The following WDR88 variants were observed in gnomAD, a reference collection of about 807,000 sequenced individuals.
The protein encoded by WDR88 is WD repeat domain 88.
WDR88 carries 40 observed loss-of-function variants against 46.8 expected under a neutral mutation model. The ratio of observed to expected loss-of-function variants is 0.86; its 90% CI spans 0.66 to 1.11. The LOEUF is 1.11. Ranked by LOEUF, WDR88 falls within the 50% of genes most tolerant of loss-of-function variation. The pLI, the probability that WDR88 is intolerant of heterozygous loss-of-function variation, is 0.00. For synonymous variants in WDR88, 235 were observed against 240.7 expected (o/e 0.98, Z 0.22); for missense variants, 562 against 602.4 (o/e 0.93, Z 0.70).
At chr19:33,166,140 G>A (rs1457850403) in intron 9 of WDR88, among the ~76,000 whole-genome samples, 5 of 151,740 alleles carry the variant, frequency 3.3e-5, no homozygotes, top group Non-Finnish European at 7.4e-5. Context: ...GTGTGTGGCT[G>A]TAGTCCCAGC....
chr19:33,134,960 C>A (rs1395991568), intron 1 of WDR88, among the ~76,000 whole-genome samples: 1 of 149,838 alleles, frequency 6.7e-6, no homozygotes, highest in East Asian at 2.0e-4. Flanking sequence ...GCCTTCCAGG[C>A]CACACCCCTG....
intron 1 of WDR88, among the ~76,000 whole-genome samples, chr19:33,134,840 A>ACCCC (rs766617576): frequency 1.6e-5 from 1 of 62,408 alleles, no homozygotes; most frequent in African/African-American, 5.5e-5. Context: ...CGTCCCCGAC[A>ACCCC]CCCCCCCCCC....
intron 7 of WDR88, among the ~76,000 whole-genome samples, chr19:33,159,593 C>A (rs896158472): frequency 6.6e-6 from 1 of 152,096 alleles, no homozygotes; most frequent in Non-Finnish European, 1.5e-5. Flanking sequence ...TACTGATCAA[C>A]TGATGAGAAT....
intron 9 of WDR88, among the ~76,000 whole-genome samples, chr19:33,167,107 A>G (rs957360587): frequency 6.6e-6 from 1 of 152,186 alleles, no homozygotes; most frequent in Admixed American, 6.5e-5. Flanking sequence ...AACAAACATG[A>G]CAATAAAAGA....
At chr19:33,170,998 T>TA (rs1172554809) in intron 9 of WDR88, among the ~76,000 whole-genome samples, 2 of 152,174 alleles carry the variant, frequency 1.3e-5, no homozygotes, top group African/African-American at 4.8e-5. Flanking sequence ...TTATTATTAT[T>TA]TTTTTGAGAC....
At chr19:33,146,028 C>T (rs948506069) in intron 3 of WDR88, among the ~76,000 whole-genome samples, 4 of 151,956 alleles carry the variant, frequency 2.6e-5, no homozygotes, top group African/African-American at 9.7e-5. Context: ...GTAGAGATCC[C>T]TTTAGGAGAG....
At position 33,146,579 on chromosome 19, in the gene WDR88, C is replaced by T. The variant is rs1294879462; in HGVS notation, c.477-1066C>T. On this transcript the variant is annotated intron_variant, in intron 3 of 10. Coordinates refer to ENST00000355868, the MANE Select transcript of WDR88 (RefSeq NM_173479.4). ...TCCTGCCCACGCTGGAGCGCAGTGG[C>T]GCAATCTTGGCTCACTGTAACCTCC... Among the ~76,000 whole-genome samples the T allele has an allele frequency of 5.9e-5, 9 of 151,966 alleles. No homozygotes were observed. The South Asian group carries it at 1.0e-3, about 18-fold the overall frequency.
intron 9 of WDR88, among the ~76,000 whole-genome samples, chr19:33,166,775 G>A (rs567775569): frequency 6.6e-6 from 1 of 151,158 alleles, no homozygotes; most frequent in East Asian, 2.0e-4. Flanking sequence ...AGCTAGGAGT[G>A]GTGGCGCACA....
intron 6 of WDR88, among the ~76,000 whole-genome samples, chr19:33,153,359 C>T (rs1043681124): frequency 6.6e-6 from 1 of 151,802 alleles, no homozygotes; most frequent in Admixed American, 6.6e-5. Context: ...GCCACTGCAC[C>T]TGGCCTGTTT....
chr19:33,156,112 C>A (rs73926254), intron 6 of WDR88, among the ~76,000 whole-genome samples: 1 of 152,188 alleles, frequency 6.6e-6, no homozygotes, highest in South Asian at 2.1e-4. Flanking sequence ...GCTGGAACAG[C>A]GTGACAGTCT....
chr19:33,169,864 T>TTATA (rs1227217541), intron 9 of WDR88, among the ~76,000 whole-genome samples: 1 of 152,068 alleles, frequency 6.6e-6, no homozygotes, highest in Non-Finnish European at 1.5e-5. Flanking sequence ...AAAATGTGCA[T>TTATA]TATTTATTTA....
Position 33,172,387 on chromosome 19 carries a change from G to A in WDR88, c.1189G>A (p.Glu397Lys). 1 of 1,614,036 alleles carries A rather than the reference G, an allele frequency of 6.2e-7. No homozygotes were observed. The change falls in exon 10 of 11, where the codon GAA becomes AAA. Residue 397 changes from glutamate to lysine, a missense_variant. Physicochemically the swap from Glu to Lys is moderately conservative, Grantham distance 56. Coordinates refer to ENST00000355868, the MANE Select transcript of WDR88 (RefSeq NM_173479.4). ...MRLWNIEEID[E>K]IPLVIKYKKA... ...ACTGTGGAATATTGAAGAAATTGATGAAATTCCTTTGGTAATCAAGTACAA... is the reference window on the plus strand; with the variant it reads ...ACTGTGGAATATTGAAGAAATTGATAAAATTCCTTTGGTAATCAAGTACAA...
intron 9 of WDR88, 152 bp from the exon 10 acceptor site, chr19:33,172,196 C>T: frequency 1.6e-6 from 1 of 620,934 alleles, no homozygotes; most frequent in Non-Finnish European, 2.9e-6. Context: ...GTAGCCTCTT[C>T]AGGTTGGCTT....
Position 33,156,521 on chromosome 19 carries a change from T to C in WDR88, c.976T>C (p.Ser326Pro), listed in dbSNP as rs1340910043. The C allele has an allele frequency of 6.2e-7, 1 of 1,613,570 alleles. No individual in the cohort carries two copies. Among genetic ancestry groups the C allele is most frequent in the Non-Finnish European group, 8.5e-7 (1 of 1,179,776 alleles). ...LMQGHEGSVS[S>P]CHFARDSSFL... The stretch of plus-strand genomic sequence containing the variant: ...GCAGGGCCATGAAGGTTCTGTCAGT[T>C]CCTGTCACTTTGCCAGAGACAGTGA... Residue 326 changes from serine (S) to proline (P), a missense_variant, in exon 7 of 11, where the codon TCC becomes CCC. By Grantham distance (74) the Ser-to-Pro change is moderately conservative. Transcript: ENST00000355868.
At chr19:33,174,384 G>C (rs906875689) in intron 10 of WDR88, 8 of 1,416,708 alleles carry the variant, frequency 5.6e-6, no homozygotes, top group Non-Finnish European at 7.4e-6. Flanking sequence ...CCAGGGCAGG[G>C]GCGCGGCCAC....
intron 10 of WDR88, 80 bp from the exon 11 acceptor site, chr19:33,175,316 G>T: frequency 7.0e-7 from 1 of 1,437,850 alleles, no homozygotes; most frequent in Admixed American, 1.8e-5. Context: ...GCTCAAGGTA[G>T]CTGGGAGAAT....
At chr19:33,155,572 A>G (rs1973718152) in intron 6 of WDR88, among the ~76,000 whole-genome samples, 1 of 152,162 alleles carries the variant, frequency 6.6e-6, no homozygotes, top group Non-Finnish European at 1.5e-5. Flanking sequence ...GGAGTAAGTA[A>G]GAGAGGGGTG....
intron 2 of WDR88, among the ~76,000 whole-genome samples, chr19:33,142,977 G>T (rs1973431740): frequency 6.6e-6 from 1 of 151,606 alleles, no homozygotes; most frequent in Admixed American, 6.6e-5. Context: ...ATGACAAGGG[G>T]AGAGGCTCCC....
chr19:33,153,156 T>A lies in WDR88; in HGVS notation c.809+1846T>A, dbSNP rs573642605. Among the ~76,000 whole-genome samples, 198 of 152,010 alleles carry A rather than the reference T, an allele frequency of 1.3e-3. 1 individual carries two copies. The highest frequency in any genetic ancestry group is 0.01 in the Middle Eastern group (3 of 294). On this transcript the variant is annotated intron_variant, in intron 6 of 10. Coordinates refer to ENST00000355868, the MANE Select transcript of WDR88 (RefSeq NM_173479.4). ...GCCTCGGATTCCTAGGCTCAAGTGA[T>A]CCTCTTGCCTCAACTTCCTGAGTAG... is the stretch of plus-strand genomic sequence containing the variant.
Sources: gnomAD v4.1 joint callset for allele counts (sites outside exome capture counted in the v4.1 genomes callset) on GRCh38, gnomAD v4.1.1 for gene constraint, MANE v1.5 for transcripts, NCBI Gene and HGNC (gene_info 2026-07-23, HGNC 2026-07-21) for gene names.